The following RPH3AL variants were observed in gnomAD, a reference collection of about 807,000 sequenced individuals.
RPH3AL encodes rabphilin 3A like (without C2 domains).
RPH3AL carries 38 observed loss-of-function variants against 43.1 expected under a neutral mutation model. The observed-to-expected ratio is 0.88, with a 90% confidence interval of 0.68 to 1.15. The LOEUF (loss-of-function observed/expected upper bound fraction) is 1.15. RPH3AL is among the 50% of genes most tolerant of loss of function. The pLI is 0.00. For missense variants in RPH3AL, 462 were observed against 423.2 expected (o/e 1.09, Z -0.81); for synonymous variants, 189 against 176.3 (o/e 1.07, Z -0.57).
intron 3 of RPH3AL, among the ~76,000 whole-genome samples, chr17:326,043 C>T (rs756192484): frequency 3.3e-5 from 5 of 152,228 alleles, no homozygotes; most frequent in Non-Finnish European, 7.3e-5. Context: ...CCTGGAGGGT[C>T]AGGAGTCCTG....
intron 7 of RPH3AL, among the ~76,000 whole-genome samples, chr17:221,816 G>C (rs555457487): frequency 4.4e-5 from 5 of 113,112 alleles, no homozygotes; most frequent in African/African-American, 1.9e-4. Context: ...CAGCTCTGAG[G>C]GCTCCACTCA....
At chr17:247,311 G>C in intron 6 of RPH3AL, 26 bp from the exon 7 acceptor site, 2 of 1,540,574 alleles carry the variant, frequency 1.3e-6, no homozygotes, top group Non-Finnish European at 1.7e-6. Context: ...GAGCTGCTTG[G>C]GGCACAGGAC....
At position 254,386 on chromosome 17, in the gene RPH3AL, C is replaced by T. The variant is rs1458355512; in HGVS notation, c.439-7101G>A. ...ACTTCCTATGAGGGGAGCTGCACGG[C>T]GTCTGTCCTGTTCCATCCCTAGGAA... On this transcript the variant is annotated intron_variant, in intron 6 of 9. Transcript: ENST00000331302. 1.4e-3 allele frequency among the ~76,000 whole-genome samples: 10 copies of T among 7,272 alleles called. 3 individuals carry two copies. Among genetic ancestry groups the T allele is most frequent in the African/African-American group, 0.014 (8 of 590 alleles). 4.8% of individuals were successfully genotyped at this position (7,272 alleles called of 152,430 possible). A position where few individuals can be genotyped will look rare whatever the true frequency, so the allele number is the denominator to read the frequency against.
chr17:338,016 C>T (rs2045007475), intron 1 of RPH3AL, among the ~76,000 whole-genome samples: 1 of 152,228 alleles, frequency 6.6e-6, no homozygotes, highest in African/African-American at 2.4e-5. Context: ...TACTTCTCCC[C>T]CATCTCAAGT....
At chr17:317,139 C>T (rs1598112898) in intron 5 of RPH3AL, among the ~76,000 whole-genome samples, 1 of 148,002 alleles carries the variant, frequency 6.8e-6, no homozygotes, top group African/African-American at 2.5e-5. Context: ...ACGTGTAGTC[C>T]CTGTGCCCCA....
At chr17:285,732 C>T (rs1049905242) in intron 5 of RPH3AL, among the ~76,000 whole-genome samples, 4 of 152,192 alleles carry the variant, frequency 2.6e-5, no homozygotes, top group African/African-American at 7.2e-5. Flanking sequence ...TGCAGGACGG[C>T]GCTCGGCCAG....
At position 233,476 on chromosome 17, in the gene RPH3AL, C is replaced by T. The variant is rs557261113; in HGVS notation, c.613+13635G>A. Among the ~76,000 whole-genome samples, 10 of 152,264 alleles carry T rather than the reference C, an allele frequency of 6.6e-5. No homozygotes were observed. The South Asian group carries it at 8.3e-4, about 13-fold the overall frequency. On this transcript the variant is annotated intron_variant, in intron 7 of 9. Coordinates refer to ENST00000331302, the MANE Select transcript of RPH3AL (RefSeq NM_006987.4). ...CCTGTAAGCCCTGCTGATGAGGTCA[C>T]GTTGGGCCACCTCCATGATCATGGC...
chr17:220,431 G>A (rs879074067), intron 7 of RPH3AL, among the ~76,000 whole-genome samples: 11 of 87,210 alleles, frequency 1.3e-4, no homozygotes, highest in Middle Eastern at 7.8e-3. Context: ...GCCTCCACTC[G>A]GTGAGACAAT....
intron 3 of RPH3AL, chr17:321,767 G>T: frequency 3.8e-6 from 1 of 260,476 alleles, no homozygotes; most frequent in Non-Finnish European, 7.3e-6. Flanking sequence ...ACAGAGACGG[G>T]GCAGACACAG....
rs2041748278 is a variant in RPH3AL, at chr17:245,704, G to A, written c.613+1407C>T. On this transcript the variant is annotated intron_variant, in intron 7 of 9. Coordinates refer to ENST00000331302, the MANE Select transcript of RPH3AL (RefSeq NM_006987.4). The surrounding 1 kb of genome is among the most constrained non-coding windows in gnomAD (Gnocchi z 5.9). ...AGGTCTGAGGTCCAAGGGTGGCAGA[G>A]GGACCAGGTGGAGGACCGCCACTTC... 1.3e-5 allele frequency among the ~76,000 whole-genome samples: 2 copies of A among 152,120 alleles called. No individual in the cohort carries two copies. The highest frequency in any genetic ancestry group is 4.1e-4 in the South Asian group (2 of 4,820).
chr17:264,878 C>A lies in RPH3AL; in HGVS notation c.438+16890G>T, dbSNP rs4617924. ...ACCTGAAAATTCACAGTGGTCAATG[C>A]AAGACAAAACTCAGTCTAAATTACT... On this transcript the variant is annotated intron_variant, in intron 6 of 9. Coordinates refer to ENST00000331302, the MANE Select transcript of RPH3AL (RefSeq NM_006987.4). This position sits in a 1 kb window ranked among gnomAD's most constrained non-coding sequence, Gnocchi z 4.8. 0.51 allele frequency among the ~76,000 whole-genome samples: 76,963 copies of A among 152,034 alleles called. 19,590 individuals carry two copies. Among genetic ancestry groups the A allele is most frequent in the South Asian group, 0.68 (3,301 of 4,826 alleles).
intron 6 of RPH3AL, among the ~76,000 whole-genome samples, chr17:259,178 CA>C (rs1555545479): frequency 2.6e-5 from 4 of 152,190 alleles, no homozygotes; most frequent in African/African-American, 9.7e-5. Context: ...GACCATCCAG[CA>C]TGGCTGGTGA....
chr17:319,041 T>C (rs1193383986), intron 5 of RPH3AL, among the ~76,000 whole-genome samples: 1 of 152,250 alleles, frequency 6.6e-6, no homozygotes, highest in Admixed American at 6.5e-5. Flanking sequence ...TTAATCCTCA[T>C]AGCATGGTGA....
intron 6 of RPH3AL, among the ~76,000 whole-genome samples, chr17:272,533 C>T: frequency 7.2e-6 from 1 of 139,810 alleles, no homozygotes; most frequent in Admixed American, 8.0e-5. Flanking sequence ...CATGTTCTCA[C>T]TCATAGGTGG....
intron 7 of RPH3AL, among the ~76,000 whole-genome samples, chr17:222,393 C>G (rs2041013388): frequency 6.6e-6 from 1 of 152,228 alleles, no homozygotes; most frequent in Non-Finnish European, 1.5e-5. Flanking sequence ...GGCTCTCATC[C>G]CAGTTCATCC....
At chr17:269,169 T>C (rs187773179) in intron 6 of RPH3AL, among the ~76,000 whole-genome samples, 72 of 152,252 alleles carry the variant, frequency 4.7e-4, no homozygotes, top group Admixed American at 1.7e-3. Context: ...TGAGCCACCG[T>C]GCCTGGCCGA....
At chr17:315,077 A>C (rs1323216859) in intron 5 of RPH3AL, among the ~76,000 whole-genome samples, 2 of 62,752 alleles carry the variant, frequency 3.2e-5, no homozygotes, top group Non-Finnish European at 6.8e-5. Flanking sequence ...CCTGTGCTCC[A>C]CCTCCACTGA....
chr17:243,854 CCTTCCTCTACTGATTACA>C (rs1304240970), intron 7 of RPH3AL, among the ~76,000 whole-genome samples: 30 of 147,268 alleles, frequency 2.0e-4, no homozygotes, highest in Admixed American at 4.8e-4. Flanking sequence ...CCTCTGATTA[CCTTCCTCTACTGATTACA>C]CTTCCTCTAC....
chr17:345,326 T>G (rs1002530717), intron 1 of RPH3AL, among the ~76,000 whole-genome samples: 6 of 134,954 alleles, frequency 4.4e-5, no homozygotes, highest in African/African-American at 1.5e-4. Context: ...TCTGCAAAGG[T>G]GGCAGTAGCT....
Sources: gnomAD v4.1 joint callset for allele counts (sites outside exome capture counted in the v4.1 genomes callset) on GRCh38, gnomAD v4.1.1 for gene constraint, Gnocchi (gnomAD v3.1) non-coding constraint, MANE v1.5 for transcripts, NCBI Gene and HGNC (gene_info 2026-07-23, HGNC 2026-07-21) for gene names.